The following MCM5 variants were observed in gnomAD, a reference collection of about 807,000 sequenced individuals.
MCM5 encodes minichromosome maintenance complex component 5.
Under a neutral mutation model 79.9 loss-of-function variants are expected in MCM5, and 46 were observed. The ratio of observed to expected loss-of-function variants is 0.58; its 90% CI spans 0.45 to 0.74. The LOEUF is 0.74. MCM5 is among the 30% of genes least tolerant of loss of function. The pLI is 0.00. For missense variants in MCM5, 883 were observed against 1,017.0 expected (o/e 0.87, Z 1.79); for synonymous variants, 404 against 390.5 (o/e 1.03, Z -0.41).
chr22:35,423,911 C>T lies in MCM5; in HGVS notation c.2104-243C>T, dbSNP rs1601765055. The stretch of plus-strand genomic sequence containing the variant: ...CTGAGGCTTAGAGAAAGGTTTAGAG[C>T]TTCGGTTCTAGAGTCAGATGGGACT... On this transcript the variant is annotated intron_variant, in intron 16 of 16. Coordinates refer to ENST00000216122, the MANE Select transcript of MCM5 (RefSeq NM_006739.4). 2.9e-5 allele frequency: 14 copies of T among 487,146 alleles called. No individual in the cohort carries two copies. The South Asian group carries it at 4.4e-4, about 15-fold the overall frequency. 30.2% of individuals were successfully genotyped at this position (487,146 alleles called of 1,614,324 possible).
At chr22:35,401,782 C>T (rs1470592875) in intron 2 of MCM5, 1 of 453,220 alleles carries the variant, frequency 2.2e-6, no homozygotes, top group African/African-American at 2.0e-5. Flanking sequence ...CAACAGATAA[C>T]TTCCACGGTG....
chr22:35,436,786 C>T, the MCM5 span, among the ~76,000 whole-genome samples: 82 of 152,330 alleles, frequency 5.4e-4, no homozygotes, highest in South Asian at 2.3e-3. Flanking sequence ...TATCCCCACC[C>T]GACCTTCACA....
At chr22:35,448,474 G>A in the MCM5 span, among the ~76,000 whole-genome samples, 3 of 151,820 alleles carry the variant, frequency 2.0e-5, no homozygotes, top group African/African-American at 7.3e-5. Flanking sequence ...CCTGCTAAAC[G>A]CCCCACAAAA....
At chr22:35,441,257 A>T in the MCM5 span, among the ~76,000 whole-genome samples, 4 of 152,174 alleles carry the variant, frequency 2.6e-5, no homozygotes, top group African/African-American at 7.2e-5. Flanking sequence ...GAGTTACAGG[A>T]TGCTATATGG....
At chr22:35,407,917 G>T (rs541270177) in intron 5 of MCM5, among the ~76,000 whole-genome samples, 1 of 152,298 alleles carries the variant, frequency 6.6e-6, no homozygotes, top group Admixed American at 6.5e-5. Flanking sequence ...CAGACACATA[G>T]TAGGTTTTGC....
At chr22:35,442,468 C>T in the MCM5 span, among the ~76,000 whole-genome samples, 6 of 152,200 alleles carry the variant, frequency 3.9e-5, no homozygotes, top group African/African-American at 7.2e-5. Flanking sequence ...TCAGCCTCAC[C>T]GGGCTACAGT....
intron 13 of MCM5, among the ~76,000 whole-genome samples, chr22:35,419,591 G>A (rs766826577): frequency 5.9e-5 from 9 of 152,210 alleles, no homozygotes; most frequent in Non-Finnish European, 1.0e-4. Flanking sequence ...ACCACACAGC[G>A]TCTAACAGTG....
intron 7 of MCM5, 106 bp downstream of exon 7, chr22:35,411,016 G>C: frequency 9.9e-7 from 1 of 1,005,848 alleles, no homozygotes; most frequent in African/African-American, 1.6e-5. Flanking sequence ...GGATGTCCTT[G>C]TGTTGCTCAT....
chr22:35,414,097 T>G, intron 9 of MCM5, 111 bp downstream of exon 9: 16 of 666,958 alleles, frequency 2.4e-5, no homozygotes, highest in East Asian at 8.3e-5. Flanking sequence ...CCGGAATCTC[T>G]TCCTCCTTTC....
chr22:35,424,103 C>T lies in MCM5; in HGVS notation c.2104-51C>T, dbSNP rs974530691. ...GAGCCTGGGGATGTCTGGGCTCTGTCGGAGTCCCCTCGGGCAGCACGTGCC... is the reference window on the plus strand; with the variant it reads ...GAGCCTGGGGATGTCTGGGCTCTGTTGGAGTCCCCTCGGGCAGCACGTGCC... On this transcript the variant is annotated intron_variant, in intron 16 of 16. Coordinates refer to ENST00000216122, the MANE Select transcript of MCM5 (RefSeq NM_006739.4). 1.2e-5 allele frequency: 15 copies of T among 1,262,946 alleles called. No homozygotes were observed. In the East Asian group the frequency reaches 1.8e-4, roughly 15 times the overall value. 78.2% of individuals were successfully genotyped at this position (1,262,946 alleles called of 1,614,324 possible). A position where few individuals can be genotyped will look rare whatever the true frequency, so the allele number is the denominator to read the frequency against.
Position 35,408,502 on chromosome 22 carries a change from G to T in MCM5, c.691G>T (p.Glu231Ter). ...CVDFQTLKLQ[E>*]LPDAVPHGEM... is the part of the protein sequence containing the mutation. ...GGACTTCCAGACCCTGAAGCTGCAG[G>T]AGCTGCCTGATGCAGTCCCCCACGG... is the stretch of plus-strand genomic sequence containing the variant. Residue 231 changes from glutamate (E) to a stop codon, truncating the protein, a stop_gained, in exon 6 of 17, where the codon GAG becomes TAG. Coordinates refer to ENST00000216122, the MANE Select transcript of MCM5 (RefSeq NM_006739.4). LOFTEE classifies it high-confidence loss of function. The T allele has an allele frequency of 6.2e-7, 1 of 1,614,214 alleles. No individual in the cohort carries two copies. Among genetic ancestry groups the T allele is most frequent in the Non-Finnish European group, 8.5e-7 (1 of 1,180,026 alleles).
intron 9 of MCM5, among the ~76,000 whole-genome samples, chr22:35,415,526 C>T (rs916265): frequency 2.6e-5 from 4 of 152,172 alleles, no homozygotes; most frequent in African/African-American, 7.2e-5. Flanking sequence ...CTTCTCTGGG[C>T]CTCAGTTTGC....
intron 12 of MCM5, among the ~76,000 whole-genome samples, chr22:35,417,403 A>G (rs1932573546): frequency 6.6e-6 from 1 of 152,214 alleles, no homozygotes; most frequent in South Asian, 2.1e-4. Context: ...AAGTCCCAGG[A>G]TAGACTCCTA....
At chr22:35,436,173 A>AG in the MCM5 span, among the ~76,000 whole-genome samples, 2 of 125,046 alleles carry the variant, frequency 1.6e-5, no homozygotes, top group Non-Finnish European at 3.8e-5. Context: ...TCAAAAAAAA[A>AG]AAAAAAAAAA....
rs1158358551 is a variant in MCM5 at position 35,420,015 on chromosome 22, G to A, written c.1832+3G>A. 1 of 1,606,100 alleles carries A rather than the reference G, an allele frequency of 6.2e-7. No homozygotes were observed. ...TCCAGCATCCCCATCACTGTGCGGT[G>A]AGCAGGCGGGCAGGGCTGGGCCATG... is the stretch of plus-strand genomic sequence containing the variant. On this transcript the variant is annotated splice_donor_region_variant and intron_variant, in intron 14 of 16. Transcript: ENST00000216122.
the MCM5 span, among the ~76,000 whole-genome samples, chr22:35,432,847 G>T: frequency 6.6e-6 from 1 of 152,060 alleles, no homozygotes; most frequent in Non-Finnish European, 1.5e-5. Context: ...GGAGAGCTGG[G>T]AGGGTAAAAG....
the MCM5 span, among the ~76,000 whole-genome samples, chr22:35,439,185 A>G: frequency 2.6e-5 from 4 of 151,602 alleles, no homozygotes; most frequent in African/African-American, 7.3e-5. Context: ...TCACCCGCCC[A>G]TCCACCCACA....
the MCM5 span, among the ~76,000 whole-genome samples, chr22:35,435,720 C>T: frequency 6.6e-6 from 1 of 152,196 alleles, no homozygotes; most frequent in East Asian, 1.9e-4. Flanking sequence ...AGTAGGCACC[C>T]CCTGCCAGCC....
At chr22:35,410,591 G>A in intron 6 of MCM5, 153 bp from the exon 7 acceptor site, 3 of 730,272 alleles carry the variant, frequency 4.1e-6, no homozygotes, top group Non-Finnish European at 7.4e-6. Flanking sequence ...GCCGTTCTCT[G>A]GGCTCCGTGG....
Sources: allele counts gnomAD v4.1 joint callset (sites outside exome capture counted in the v4.1 genomes callset), GRCh38; gene constraint gnomAD v4.1.1; transcripts MANE v1.5; gene names NCBI Gene and HGNC (gene_info 2026-07-23, HGNC 2026-07-21).